Variants in STK24 observed in about 807,000 individuals in gnomAD.
STK24 encodes the protein serine/threonine kinase 24.
Under a neutral mutation model 55.6 loss-of-function variants are expected in STK24, and 21 were observed. That is an observed-to-expected ratio of 0.38 (90% CI 0.27 to 0.54). The LOEUF (loss-of-function observed/expected upper bound fraction) is 0.54. Ranked by LOEUF, STK24 falls within the 20% of genes least tolerant of loss-of-function variation. The pLI, the probability that STK24 is intolerant of heterozygous loss-of-function variation, is 0.79. For missense variants in STK24, 383 were observed against 538.4 expected, an observed-to-expected ratio of 0.71 and a Z score of 2.86; for synonymous variants, 200 against 215.2, an observed-to-expected ratio of 0.93 and a Z score of 0.62.
At chr13:98,474,228 A>C (rs1327554685) in intron 5 of STK24, among the ~76,000 whole-genome samples, 3 of 152,206 alleles carry the variant, frequency 2.0e-5, no homozygotes, top group Non-Finnish European at 4.4e-5. Context: ...ACAAGTAAAA[A>C]ACAGTGGGAA....
intron 2 of STK24, among the ~76,000 whole-genome samples, chr13:98,511,631 G>C (rs1789945957): frequency 6.6e-6 from 1 of 152,226 alleles, no homozygotes; most frequent in Non-Finnish European, 1.5e-5. Context: ...AGTGACACAT[G>C]CATGAACACG....
intron 2 of STK24, among the ~76,000 whole-genome samples, chr13:98,515,800 G>T (rs559488064): frequency 6.6e-6 from 1 of 152,226 alleles, no homozygotes; most frequent in East Asian, 1.9e-4. Flanking sequence ...CCCATTTCTG[G>T]TAATCTCTTC....
chr13:98,508,991 A>T (rs1895788058), intron 2 of STK24: 1 of 152,258 alleles, frequency 6.6e-6, no homozygotes, highest in South Asian at 2.1e-4. Context: ...GTAATGAATT[A>T]ATTTGTAATG....
At chr13:98,460,301 C>G in intron 9 of STK24, 71 bp downstream of exon 9, 1 of 1,396,004 alleles carries the variant, frequency 7.2e-7, no homozygotes, top group Non-Finnish European at 1.0e-6. Context: ...CTGGCAACAT[C>G]ACCACTGAAG....
chr13:98,482,035 T>C (rs377430019), intron 3 of STK24, among the ~76,000 whole-genome samples: 4 of 150,344 alleles, frequency 2.7e-5, no homozygotes. Context: ...CCACTGCACT[T>C]CAGCCTGGGT....
intron 1 of STK24, among the ~76,000 whole-genome samples, chr13:98,535,169 A>T (rs1896681639): frequency 6.6e-6 from 1 of 152,002 alleles, no homozygotes; most frequent in African/African-American, 2.4e-5. Flanking sequence ...ACCAGCGTGT[A>T]TTTACTAAAA....
intron 1 of STK24, among the ~76,000 whole-genome samples, chr13:98,534,139 A>G (rs547827055): frequency 1.7e-4 from 26 of 152,316 alleles, no homozygotes; most frequent in African/African-American, 6.0e-4. Flanking sequence ...ACAAAGCTCC[A>G]GCACCCCCGG....
At chr13:98,519,072 C>T (rs12583333) in intron 2 of STK24, among the ~76,000 whole-genome samples, 171 bp downstream of exon 2, 5,686 of 152,288 alleles carry the variant, frequency 0.037, 162 homozygotes, top group South Asian at 0.12. Context: ...CTATAGGAGA[C>T]ATTTGAGATG....
intron 1 of STK24, among the ~76,000 whole-genome samples, chr13:98,555,234 T>C (rs1272176639): frequency 6.6e-6 from 1 of 152,048 alleles, no homozygotes. Context: ...ACTGGCACAA[T>C]ATGCCCTGCC....
intron 1 of STK24, among the ~76,000 whole-genome samples, chr13:98,555,705 G>A (rs1566403221): frequency 8.3e-6 from 1 of 120,508 alleles, no homozygotes; most frequent in African/African-American, 3.2e-5. Flanking sequence ...TTTTGAGATG[G>A]AGTCTTGCTC....
Position 98,450,334 on chromosome 13 carries a change from T to C in STK24, c.*2839A>G, listed in dbSNP as rs1340967759. 1 of 152,158 alleles carries C rather than the reference T, an allele frequency of 6.6e-6. No individual in the cohort carries two copies. Among genetic ancestry groups the C allele is most frequent in the Non-Finnish European group, 1.5e-5 (1 of 68,026 alleles). The allele number at this position is 152,158 out of a possible 1,614,324, so 9.4% of individuals were successfully genotyped here. ...ACAAGCTGTTTTTAAAGGAGGGAAA[T>C]ATAAAAAATGTTTATAAACTGACAG... On this transcript the variant is annotated 3_prime_UTR_variant, in exon 11 of 11. Coordinates refer to ENST00000539966, the MANE Select transcript of STK24 (RefSeq NM_001032296.4).
At chr13:98,523,116 G>A (rs1896319573) in intron 1 of STK24, among the ~76,000 whole-genome samples, 1 of 152,176 alleles carries the variant, frequency 6.6e-6, no homozygotes, top group Admixed American at 6.5e-5. Flanking sequence ...ATCCCGGGGT[G>A]AGGGAGATGC....
chr13:98,474,589 A>G (rs1251590285), intron 5 of STK24, among the ~76,000 whole-genome samples: 1 of 152,122 alleles, frequency 6.6e-6, no homozygotes, highest in Non-Finnish European at 1.5e-5. Context: ...AAACAAACAT[A>G]GCCTGAGTTA....
At chr13:98,521,726 C>A (rs1896267409) in intron 1 of STK24, 1 of 772,190 alleles carries the variant, frequency 1.3e-6, no homozygotes, top group Non-Finnish European at 2.4e-6. Flanking sequence ...GAAACATACC[C>A]CGTTTTCAGC....
intron 2 of STK24, among the ~76,000 whole-genome samples, chr13:98,493,263 G>C (rs1299308392): frequency 2.6e-5 from 4 of 152,192 alleles, no homozygotes; most frequent in Admixed American, 6.5e-5. Context: ...GTACAGAGAT[G>C]TTCCTCTTTT....
At chr13:98,556,214 T>C (rs1402101895) in intron 1 of STK24, among the ~76,000 whole-genome samples, 3 of 152,178 alleles carry the variant, frequency 2.0e-5, no homozygotes, top group African/African-American at 4.8e-5. Flanking sequence ...CCCACTCCTC[T>C]TGCCACAGGG....
At chr13:98,514,263 A>G (rs1895981499) in intron 2 of STK24, among the ~76,000 whole-genome samples, 1 of 152,220 alleles carries the variant, frequency 6.6e-6, no homozygotes, top group African/African-American at 2.4e-5. Context: ...GTTCATGGAG[A>G]CGCTGGCCAC....
chr13:98,568,848 G>A (rs960443543), intron 1 of STK24, among the ~76,000 whole-genome samples: 10 of 152,150 alleles, frequency 6.6e-5, no homozygotes, highest in Non-Finnish European at 1.5e-4. Flanking sequence ...CAGCCTGGGT[G>A]ACAGAGCGAG....
At chr13:98,548,120 C>G (rs529245822) in intron 1 of STK24, among the ~76,000 whole-genome samples, 4 of 152,184 alleles carry the variant, frequency 2.6e-5, no homozygotes, top group Admixed American at 2.6e-4. Flanking sequence ...CCACCTCTTA[C>G]AAGTTATTTG....
Sources: allele counts gnomAD v4.1 joint callset (sites outside exome capture counted in the v4.1 genomes callset), GRCh38; gene constraint gnomAD v4.1.1; transcripts MANE v1.5; gene names NCBI Gene and HGNC (gene_info 2026-07-23, HGNC 2026-07-21).